Variants in ALK observed in about 807,000 individuals in gnomAD.
ALK encodes ALK receptor tyrosine kinase.
A neutral mutation model predicts 163.1 loss-of-function variants in ALK; 74 were observed. The observed-to-expected ratio is 0.45, with a 90% CI of 0.38 to 0.55. ALK has a LOEUF of 0.55. Among genes scored for constraint, ALK ranks in the 20% least tolerant of loss-of-function variants. ALK has a pLI of 0.00. For synonymous variants in ALK, 960 were observed against 843.2 expected (o/e 1.14, Z -2.40); for missense variants, 2,063 against 2,105.3 (o/e 0.98, Z 0.39).
intron 24 of ALK, among the ~76,000 whole-genome samples, chr2:29,210,972 T>G (rs1669451415): frequency 6.6e-6 from 1 of 152,200 alleles, no homozygotes; most frequent in Admixed American, 6.5e-5. Context: ...GGGATGGGTC[T>G]CTAATAATAT....
intron 1 of ALK, among the ~76,000 whole-genome samples, chr2:29,800,005 G>A (rs1019251991): frequency 7.9e-5 from 12 of 152,170 alleles, no homozygotes; most frequent in Admixed American, 7.2e-4. Flanking sequence ...ACAAAGCTCC[G>A]GACTCCAAGT....
chr2:29,668,032 AG>A (rs1480998343), intron 3 of ALK, among the ~76,000 whole-genome samples: 2 of 152,074 alleles, frequency 1.3e-5, no homozygotes, highest in Non-Finnish European at 2.9e-5. Context: ...TATGTGTCCA[AG>A]AATGTTTCCA....
At chr2:29,682,841 T>C (rs111795118) in intron 3 of ALK, among the ~76,000 whole-genome samples, 1 of 152,244 alleles carries the variant, frequency 6.6e-6, no homozygotes, top group African/African-American at 2.4e-5. Flanking sequence ...TGCCTCTAGA[T>C]GCAACAAATG....
chr2:29,756,249 G>GCTCA (rs1439286274), intron 1 of ALK, among the ~76,000 whole-genome samples: 3 of 152,182 alleles, frequency 2.0e-5, no homozygotes, highest in Non-Finnish European at 4.4e-5. Flanking sequence ...CCATTTCCCG[G>GCTCA]GAGGACCTTC....
chr2:29,500,834 C>T (rs1346640735), intron 4 of ALK, among the ~76,000 whole-genome samples: 1 of 152,188 alleles, frequency 6.6e-6, no homozygotes, highest in East Asian at 1.9e-4. Flanking sequence ...GGGATCCTTG[C>T]ATACACAGGG....
chr2:29,354,745 C>A (rs1344855804), intron 5 of ALK, among the ~76,000 whole-genome samples: 1 of 152,000 alleles, frequency 6.6e-6, no homozygotes, highest in East Asian at 1.9e-4. Flanking sequence ...ACTACTCTTA[C>A]CACATGCCCA....
intron 5 of ALK, among the ~76,000 whole-genome samples, chr2:29,358,087 G>A (rs116238800): frequency 7.4e-4 from 112 of 152,310 alleles, no homozygotes; most frequent in Non-Finnish European, 1.3e-3. Context: ...AGCCCAGAAC[G>A]TCAGCTTGCA....
chr2:29,439,104 A>G (rs149043606), intron 4 of ALK, among the ~76,000 whole-genome samples: 7 of 152,332 alleles, frequency 4.6e-5, no homozygotes, highest in African/African-American at 1.7e-4. Context: ...TCCTGAGAGT[A>G]CACAGGTCCT....
intron 24 of ALK, among the ~76,000 whole-genome samples, chr2:29,210,317 C>T (rs899975213): frequency 6.6e-5 from 10 of 152,162 alleles, no homozygotes; most frequent in African/African-American, 2.4e-4. Context: ...TGGCCTTAGG[C>T]AGATTTGGTA....
intron 26 of ALK, among the ~76,000 whole-genome samples, chr2:29,200,166 A>G (rs571970603): frequency 6.6e-6 from 1 of 152,270 alleles, no homozygotes; most frequent in South Asian, 2.1e-4. Flanking sequence ...TGCCTGGCAC[A>G]TATATTATTC....
Position 29,192,898 on chromosome 2 carries a change from C to A in ALK, c.*326G>T. The A allele has an allele frequency of 2.3e-6, 1 of 431,094 alleles. No homozygotes were observed. The highest frequency in any genetic ancestry group is 4.3e-6 in the Non-Finnish European group (1 of 231,654). The allele number at this position is 431,094 out of a possible 1,614,324, so 26.7% of individuals were successfully genotyped here. A position where few individuals can be genotyped will look rare whatever the true frequency, so the allele number is the denominator to read the frequency against. On this transcript the variant is annotated 3_prime_UTR_variant, in exon 29 of 29. Transcript: ENST00000389048. The stretch of plus-strand genomic sequence containing the variant: ...GAAACATAGAAGCAGCTAATTCTGA[C>A]TACATTGAAGCAGAGCACACACAAT...
At chr2:29,867,337 C>G (rs531621125) in intron 1 of ALK, among the ~76,000 whole-genome samples, 1 of 152,106 alleles carries the variant, frequency 6.6e-6, no homozygotes, top group Non-Finnish European at 1.5e-5. Flanking sequence ...GCGAAGGTAG[C>G]GAGAGTAGAA....
intron 4 of ALK, among the ~76,000 whole-genome samples, chr2:29,433,263 G>A (rs930301658): frequency 1.3e-5 from 2 of 152,138 alleles, no homozygotes; most frequent in African/African-American, 4.8e-5. Flanking sequence ...AAGTGGACAG[G>A]AGAATTTTGT....
At chr2:29,363,826 G>A (rs908556577) in intron 5 of ALK, among the ~76,000 whole-genome samples, 51 of 152,104 alleles carry the variant, frequency 3.4e-4, no homozygotes, top group African/African-American at 1.2e-3. Flanking sequence ...AAAACACATC[G>A]AGGAACCCAG....
intron 4 of ALK, among the ~76,000 whole-genome samples, chr2:29,463,030 T>C (rs1294934583): frequency 6.6e-6 from 1 of 152,212 alleles, no homozygotes; most frequent in Non-Finnish European, 1.5e-5. Context: ...ACAGCACATT[T>C]GGGCTGATTG....
rs184415268 is a variant in ALK, at chr2:29,739,818, C to T, written c.668-22121G>A. Among the ~76,000 whole-genome samples, 4 of 152,110 alleles carry T rather than the reference C, an allele frequency of 2.6e-5. No homozygotes were observed. The East Asian group carries it at 7.7e-4, about 29-fold the overall frequency. On this transcript the variant is annotated intron_variant, in intron 1 of 28. Coordinates refer to ENST00000389048, the MANE Select transcript of ALK (RefSeq NM_004304.5). ...CAATGTGAGTTCACTCCCCAAACCC[C>T]CATTAGAATCAAATAATTAGAGGCA...
At chr2:29,701,670 T>C (rs1260338100) in intron 2 of ALK, among the ~76,000 whole-genome samples, 1 of 152,170 alleles carries the variant, frequency 6.6e-6, no homozygotes, top group Non-Finnish European at 1.5e-5. Context: ...AGGACTTCTG[T>C]GAAGGCGTGT....
At chr2:29,790,576 AACAC>A (rs371823669) in intron 1 of ALK, among the ~76,000 whole-genome samples, 1 of 152,100 alleles carries the variant, frequency 6.6e-6, no homozygotes, top group African/African-American at 2.4e-5. Context: ...TTGACATTGG[AACAC>A]ACACACACAA....
intron 3 of ALK, among the ~76,000 whole-genome samples, chr2:29,584,403 A>G (rs973339839): frequency 2.0e-5 from 3 of 152,224 alleles, no homozygotes; most frequent in African/African-American, 7.2e-5. Flanking sequence ...TTAGTCAAAT[A>G]AATTGGAGCA....
Sources: allele counts gnomAD v4.1 joint callset (sites outside exome capture counted in the v4.1 genomes callset), GRCh38; gene constraint gnomAD v4.1.1; transcripts MANE v1.5; gene names NCBI Gene and HGNC (gene_info 2026-07-23, HGNC 2026-07-21).